The following THSD4 variants were observed in gnomAD, a reference collection of about 807,000 sequenced individuals.
The protein encoded by THSD4 is thrombospondin type 1 domain containing 4, also known as thrombospondin type-1 domain-containing protein 4.
In THSD4, 69 loss-of-function variants were observed where a neutral mutation model predicts 119.0. The ratio of observed to expected loss-of-function variants is 0.58; its 90% CI spans 0.48 to 0.71. The LOEUF is 0.71. Ranked by LOEUF, THSD4 falls within the 30% of genes least tolerant of loss-of-function variation. THSD4 has a pLI of 0.00. For synonymous variants in THSD4, 524 were observed against 540.4 expected, an observed-to-expected ratio of 0.97 and a Z score of 0.42; for missense variants, 1,393 against 1,391.1, an observed-to-expected ratio of 1.00 and a Z score of -0.02.
chr15:71,402,122 G>T (rs796626509), intron 6 of THSD4, among the ~76,000 whole-genome samples: 4 of 151,676 alleles, frequency 2.6e-5, no homozygotes, highest in African/African-American at 7.3e-5. Flanking sequence ...GGATGGGGGA[G>T]GGATAGCCTT....
At chr15:71,158,289 G>C (rs2040801005) in intron 3 of THSD4, among the ~76,000 whole-genome samples, 1 of 151,832 alleles carries the variant, frequency 6.6e-6, no homozygotes, top group Non-Finnish European at 1.5e-5. Context: ...GAGTAGCTGG[G>C]ATTACAGGCA....
chr15:71,363,118 AGT>A (rs1313461477), intron 6 of THSD4, among the ~76,000 whole-genome samples: 1 of 152,178 alleles, frequency 6.6e-6, no homozygotes, highest in Admixed American at 6.5e-5. Context: ...AAGGGTACAG[AGT>A]GTGTCTAATT....
At chr15:71,253,385 G>A (rs2044280546) in intron 5 of THSD4, among the ~76,000 whole-genome samples, 1 of 152,026 alleles carries the variant, frequency 6.6e-6, no homozygotes. Flanking sequence ...GGTGTATTTG[G>A]CAGGGCTCTA....
chr15:71,551,242 A>C (rs2048922777), intron 7 of THSD4, among the ~76,000 whole-genome samples: 1 of 152,256 alleles, frequency 6.6e-6, no homozygotes, highest in Non-Finnish European at 1.5e-5. Context: ...TATAATCACC[A>C]TTGCAAATGC....
intron 7 of THSD4, among the ~76,000 whole-genome samples, chr15:71,626,194 A>G (rs1478279808): frequency 1.3e-5 from 2 of 152,092 alleles, no homozygotes; most frequent in African/African-American, 4.8e-5. Context: ...TGTAACTTGC[A>G]ATCTTTTGGT....
chr15:71,166,026 T>C (rs919018561), intron 3 of THSD4, among the ~76,000 whole-genome samples: 2 of 152,102 alleles, frequency 1.3e-5, no homozygotes, highest in African/African-American at 4.8e-5. Context: ...CAGAGGTGGC[T>C]GGGCAGCTGT....
At chr15:71,488,709 CTT>C (rs2047862373) in intron 7 of THSD4, among the ~76,000 whole-genome samples, 1 of 151,934 alleles carries the variant, frequency 6.6e-6, no homozygotes, top group Non-Finnish European at 1.5e-5. Flanking sequence ...GCTAAATAGT[CTT>C]TTATGATTCT....
intron 7 of THSD4, among the ~76,000 whole-genome samples, chr15:71,528,032 T>C (rs1051204490): frequency 9.2e-5 from 14 of 152,266 alleles, no homozygotes; most frequent in African/African-American, 3.4e-4. Flanking sequence ...ACTCTTCATG[T>C]CTTGCCTGAT....
intron 7 of THSD4, among the ~76,000 whole-genome samples, chr15:71,441,901 A>G (rs147551958): frequency 6.6e-6 from 1 of 152,262 alleles, no homozygotes; most frequent in East Asian, 1.9e-4. Context: ...AATGCCTGGC[A>G]CAGCTTAGTA....
At chr15:71,154,146 G>A (rs2040753518) in intron 2 of THSD4, among the ~76,000 whole-genome samples, 2 of 152,332 alleles carry the variant, frequency 1.3e-5, no homozygotes, top group Middle Eastern at 3.4e-3. Flanking sequence ...ATGCTAACGT[G>A]GAAATGTGAC....
chr15:71,166,568 A>T (rs2043296548), intron 3 of THSD4, among the ~76,000 whole-genome samples: 3 of 151,990 alleles, frequency 2.0e-5, no homozygotes, highest in African/African-American at 2.4e-5. Context: ...CGTGAGAAGA[A>T]GTTTCCCTGG....
chr15:71,444,066 G>A (rs1195714395), intron 7 of THSD4, among the ~76,000 whole-genome samples: 1 of 152,162 alleles, frequency 6.6e-6, no homozygotes, highest in African/African-American at 2.4e-5. Context: ...CTAAGAACTA[G>A]AACTTCCCCA....
At chr15:71,265,128 G>T (rs1170547890) in intron 6 of THSD4, among the ~76,000 whole-genome samples, 1 of 152,024 alleles carries the variant, frequency 6.6e-6, no homozygotes, top group South Asian at 2.1e-4. Context: ...AAGGACACCA[G>T]TGTTCCTAGT....
At chr15:71,614,216 C>T (rs145060296) in intron 7 of THSD4, among the ~76,000 whole-genome samples, 30 of 152,210 alleles carry the variant, frequency 2.0e-4, no homozygotes, top group African/African-American at 5.5e-4. Flanking sequence ...GGGAAGAATT[C>T]GACCCACTTC....
At chr15:71,744,147 CTTT>C (rs56158827) in intron 11 of THSD4, among the ~76,000 whole-genome samples, 4,433 of 102,672 alleles carry the variant, frequency 0.043, 225 homozygotes, top group African/African-American at 0.12. Context: ...ATTGAATCAG[CTTT>C]TTTTTTTTTT....
At chr15:71,344,171 T>C (rs1275383943) in intron 6 of THSD4, among the ~76,000 whole-genome samples, 2 of 151,906 alleles carry the variant, frequency 1.3e-5, no homozygotes, top group African/African-American at 4.8e-5. Context: ...CCCGAGTAGC[T>C]GGGACTACAG....
At position 71,242,697 on chromosome 15, in the gene THSD4, G is replaced by T. The variant is rs1033621483; in HGVS notation, c.513G>T (p.Lys171Asn). 6 of 1,614,072 alleles carry T rather than the reference G, an allele frequency of 3.7e-6. No individual in the cohort carries two copies. The highest frequency in any genetic ancestry group is 5.1e-6 in the Non-Finnish European group (6 of 1,180,050). Residue 171 changes from lysine (K) to asparagine (N), a missense_variant, in exon 5 of 18, where the codon AAG becomes AAT. Coordinates refer to ENST00000261862, the MANE Select transcript of THSD4 (RefSeq NM_024817.3). ...TIGPGKYGYGKAPYILPLQTD... is the reference protein window; with the variant it reads ...TIGPGKYGYGNAPYILPLQTD... ...GCCCTGGCAAGTATGGCTATGGTAA[G>T]GCCCCATATATCTTACCACTGCAGA...
chr15:71,481,457 C>G (rs749315510), intron 7 of THSD4, among the ~76,000 whole-genome samples: 7 of 152,206 alleles, frequency 4.6e-5, no homozygotes, highest in Admixed American at 6.5e-5. Context: ...CACTGAACCA[C>G]AAGGATTTTT....
chr15:71,405,152 G>T (rs2046588582), intron 6 of THSD4, among the ~76,000 whole-genome samples: 1 of 152,182 alleles, frequency 6.6e-6, no homozygotes, highest in Admixed American at 6.5e-5. Flanking sequence ...GCCTCCCAAA[G>T]TGCTGGAATT....
Sources: allele counts gnomAD v4.1 joint callset (sites outside exome capture counted in the v4.1 genomes callset), GRCh38; gene constraint gnomAD v4.1.1; transcripts MANE v1.5; gene names NCBI Gene and HGNC (gene_info 2026-07-23, HGNC 2026-07-21).